Variants in MIPOL1 observed in about 807,000 individuals in gnomAD.
MIPOL1 encodes mirror-image polydactyly gene 1 protein.
MIPOL1 carries 57 observed loss-of-function variants against 60.9 expected under a neutral mutation model. The observed-to-expected ratio is 0.94, with a 90% CI of 0.76 to 1.17. The LOEUF is 1.17. Ranked by LOEUF, MIPOL1 falls within the 50% of genes most tolerant of loss-of-function variation. MIPOL1 has a pLI of 0.00. For missense variants in MIPOL1, 551 were observed against 511.6 expected (o/e 1.08, Z -0.74); for synonymous variants, 179 against 168.8 (o/e 1.06, Z -0.47).
intron 6 of MIPOL1, among the ~76,000 whole-genome samples, chr14:37,272,513 T>G (rs2083369751): frequency 6.6e-6 from 1 of 151,648 alleles, no homozygotes; most frequent in Non-Finnish European, 1.5e-5. Flanking sequence ...TTATGTATGG[T>G]CTTAATAAAC....
intron 11 of MIPOL1, among the ~76,000 whole-genome samples, chr14:37,453,177 A>G (rs1022708130): frequency 6.6e-6 from 1 of 152,136 alleles, no homozygotes; most frequent in African/African-American, 2.4e-5. Context: ...TAGGCATATG[A>G]TAGGCCGTTA....
chr14:37,438,220 A>C (rs74045647), intron 11 of MIPOL1, among the ~76,000 whole-genome samples: 17 of 152,146 alleles, frequency 1.1e-4, no homozygotes, highest in Admixed American at 1.1e-3. Flanking sequence ...TATGAAAAAC[A>C]TGTTTTCCAA....
At chr14:37,492,838 A>G (rs906586515) in intron 11 of MIPOL1, among the ~76,000 whole-genome samples, 10 of 152,084 alleles carry the variant, frequency 6.6e-5, no homozygotes, top group Non-Finnish European at 2.9e-5. Context: ...GCTTCTATTC[A>G]CTAAATGCTA....
At chr14:37,382,995 TCA>T (rs1450452190) in intron 10 of MIPOL1, among the ~76,000 whole-genome samples, 1 of 151,796 alleles carries the variant, frequency 6.6e-6, no homozygotes, top group African/African-American at 2.4e-5. Flanking sequence ...AGAATATATT[TCA>T]CAGTCTTGAA....
At chr14:37,225,175 C>T (rs1017498117) in intron 1 of MIPOL1, among the ~76,000 whole-genome samples, 6 of 152,176 alleles carry the variant, frequency 3.9e-5, no homozygotes, top group African/African-American at 1.4e-4. Context: ...GTGTCTGCAG[C>T]TTTTCCAGGC....
intron 1 of MIPOL1, among the ~76,000 whole-genome samples, chr14:37,239,558 A>G (rs1238800045): frequency 1.3e-5 from 2 of 152,232 alleles, no homozygotes; most frequent in Admixed American, 6.5e-5. Context: ...CATAAAATTT[A>G]TAGTTGAAAT....
At chr14:37,341,933 T>C (rs2153462905) in intron 9 of MIPOL1, among the ~76,000 whole-genome samples, 1 of 152,322 alleles carries the variant, frequency 6.6e-6, no homozygotes, top group Non-Finnish European at 1.5e-5. Context: ...CCTTTTGATT[T>C]TTTTCTCTTC....
chr14:37,434,850 C>CAAAAAAA (rs71127219), intron 11 of MIPOL1, among the ~76,000 whole-genome samples: 1 of 111,738 alleles, frequency 8.9e-6, no homozygotes. Flanking sequence ...TTAATCACAG[C>CAAAAAAA]AAAAAAAAAA....
Position 37,240,298 on chromosome 14 carries a change from A to G in MIPOL1, c.-198-6805A>G, listed in dbSNP as rs1972147395. The stretch of plus-strand genomic sequence containing the variant: ...TAAGCATTATAATATATGATGAATT[A>G]AAGACCTAAATGATTATTTTTAACT... On this transcript the variant is annotated intron_variant, in intron 1 of 12. Transcript: ENST00000684589. The G allele has an allele frequency of 2.0e-5, 3 of 152,338 alleles. No homozygotes were observed. The South Asian group carries it at 6.2e-4, about 32-fold the overall frequency. The allele number at this position is 152,338 out of a possible 1,614,324, so 9.4% of individuals were successfully genotyped here.
At chr14:37,208,105 T>C (rs543737166) in intron 1 of MIPOL1, among the ~76,000 whole-genome samples, 30 of 152,294 alleles carry the variant, frequency 2.0e-4, no homozygotes, top group African/African-American at 6.3e-4. Flanking sequence ...TTGAAAGCAT[T>C]TTTAATTTAG....
intron 1 of MIPOL1, among the ~76,000 whole-genome samples, chr14:37,204,431 A>G (rs1965769944): frequency 2.0e-5 from 3 of 152,024 alleles, no homozygotes; most frequent in Non-Finnish European, 4.4e-5. Flanking sequence ...TAGCTGCCAT[A>G]ATTCCTTCAT....
intron 11 of MIPOL1, among the ~76,000 whole-genome samples, chr14:37,497,679 A>C (rs1302577444): frequency 2.0e-5 from 3 of 152,206 alleles, no homozygotes; most frequent in African/African-American, 4.8e-5. Flanking sequence ...TGTCTCAACC[A>C]ATCAATAATA....
intron 11 of MIPOL1, among the ~76,000 whole-genome samples, chr14:37,477,587 A>G (rs762234522): frequency 7.9e-5 from 12 of 152,178 alleles, no homozygotes; most frequent in Non-Finnish European, 2.9e-5. Context: ...CTGAAAATTC[A>G]AAGTGTAAAA....
intron 12 of MIPOL1, among the ~76,000 whole-genome samples, chr14:37,524,189 A>G (rs184405895): frequency 2.6e-5 from 4 of 152,328 alleles, no homozygotes; most frequent in African/African-American, 7.2e-5. Context: ...TTAAAAGACT[A>G]ACACTGACTG....
chr14:37,514,127 A>G (rs1030370268), intron 12 of MIPOL1, among the ~76,000 whole-genome samples: 3 of 152,182 alleles, frequency 2.0e-5, no homozygotes, highest in Admixed American at 1.3e-4. Context: ...TGATTTTCAC[A>G]TATCTATTTT....
At chr14:37,347,257 C>A in intron 9 of MIPOL1, among the ~76,000 whole-genome samples, 1 of 151,236 alleles carries the variant, frequency 6.6e-6, no homozygotes, top group African/African-American at 2.4e-5. Context: ...ACAGAGAAAC[C>A]ATTGAATAGG....
At chr14:37,244,744 A>G (rs1464965264) in intron 1 of MIPOL1, among the ~76,000 whole-genome samples, 2 of 152,086 alleles carry the variant, frequency 1.3e-5, no homozygotes, top group Non-Finnish European at 2.9e-5. Context: ...TCATCCCACT[A>G]GTTTTAATGT....
chr14:37,286,873 A>G (rs2084611886), intron 7 of MIPOL1, among the ~76,000 whole-genome samples: 1 of 152,196 alleles, frequency 6.6e-6, no homozygotes, highest in South Asian at 2.1e-4. Flanking sequence ...ATTTTCTCTT[A>G]TATACCTAAA....
At chr14:37,349,973 A>G (rs1268088929) in intron 9 of MIPOL1, among the ~76,000 whole-genome samples, 1 of 152,098 alleles carries the variant, frequency 6.6e-6, no homozygotes, top group East Asian at 1.9e-4. Context: ...CATAGTTCTA[A>G]TATTTTTTTT....
Sources: gnomAD v4.1 joint callset for allele counts (sites outside exome capture counted in the v4.1 genomes callset) on GRCh38, gnomAD v4.1.1 for gene constraint, MANE v1.5 for transcripts, NCBI Gene and HGNC (gene_info 2026-07-23, HGNC 2026-07-21) for gene names.